KCNAB1: variants seen among roughly 807,000 people sequenced by gnomAD.
KCNAB1 encodes the protein voltage-gated potassium channel subunit beta-1.
KCNAB1 carries 35 observed loss-of-function variants against 64.6 expected under a neutral mutation model. The ratio of observed to expected loss-of-function variants is 0.54; its 90% confidence interval spans 0.41 to 0.72. KCNAB1 has a LOEUF of 0.72. Among genes scored for constraint, KCNAB1 ranks in the 30% least tolerant of loss-of-function variants. The probability of loss-of-function intolerance (pLI) is 0.00; values close to 1 mark genes in which losing one functional copy is unlikely to be tolerated. For synonymous variants in KCNAB1, 177 were observed against 183.8 expected (o/e 0.96, Z 0.30); for missense variants, 401 against 512.9 (o/e 0.78, Z 2.11).
intron 1 of KCNAB1, among the ~76,000 whole-genome samples, chr3:156,415,932 C>T (rs1207392856): frequency 7.2e-5 from 11 of 152,172 alleles, no homozygotes; most frequent in African/African-American, 1.4e-4. Flanking sequence ...GATCCAAAAC[C>T]GTTGTTCCCC....
chr3:156,250,463 C>T (rs984089534), intron 1 of KCNAB1, among the ~76,000 whole-genome samples: 5 of 152,170 alleles, frequency 3.3e-5, no homozygotes, highest in East Asian at 1.9e-4. Context: ...TCTCAGAACC[C>T]GTAGTTCTAG....
rs187857824 is a variant in KCNAB1, at chr3:156,188,371, A to G, written c.275+67485A>G. 1.1e-3 allele frequency among the ~76,000 whole-genome samples: 163 copies of G among 152,252 alleles called. 1 individual carries two copies. The highest frequency in any genetic ancestry group is 4.6e-3 in the South Asian group (22 of 4,828). On this transcript the variant is annotated intron_variant, in intron 1 of 13. Transcript: ENST00000490337. ...GTATATTTACCATAAATATTTACAT[A>G]TATTTAGAAACCAGTATTATACTAT...
chr3:156,198,708 T>C (rs1714122174), intron 1 of KCNAB1, among the ~76,000 whole-genome samples: 1 of 137,178 alleles, frequency 7.3e-6, no homozygotes, highest in Non-Finnish European at 1.6e-5. Flanking sequence ...GCACATGAGA[T>C]GGGTCTCCTG....
rs1716973004 is a variant in KCNAB1 at position 156,508,614 on chromosome 3, C to A, written c.659-5750C>A. On this transcript the variant is annotated intron_variant, in intron 8 of 13. Transcript: ENST00000490337. This position sits in a 1 kb window ranked among gnomAD's most constrained non-coding sequence, Gnocchi z 4.1. ...GAATCTGGGCCTATTTGAGAAGAAACCTGGGCCATTTTCAGTTTGTGTTAC... is the reference window on the plus strand; with the variant it reads ...GAATCTGGGCCTATTTGAGAAGAAAACTGGGCCATTTTCAGTTTGTGTTAC... Among the ~76,000 whole-genome samples, 1 of 152,178 alleles carries A rather than the reference C, an allele frequency of 6.6e-6. No individual in the cohort carries two copies. Among genetic ancestry groups the A allele is most frequent in the South Asian group, 2.1e-4 (1 of 4,828 alleles).
intron 1 of KCNAB1, among the ~76,000 whole-genome samples, chr3:156,311,959 T>C (rs1458397491): frequency 6.6e-6 from 1 of 152,208 alleles, no homozygotes; most frequent in Non-Finnish European, 1.5e-5. Flanking sequence ...TGCATGTCCC[T>C]ACCTGGGCAG....
At chr3:156,221,781 C>T (rs899930213) in intron 1 of KCNAB1, among the ~76,000 whole-genome samples, 10 of 147,652 alleles carry the variant, frequency 6.8e-5, no homozygotes, top group Non-Finnish European at 1.3e-4. Flanking sequence ...TCCATCCCCC[C>T]CCGCCAAAAA....
At chr3:156,292,473 G>T (rs1052921799) in intron 1 of KCNAB1, among the ~76,000 whole-genome samples, 3 of 152,178 alleles carry the variant, frequency 2.0e-5, no homozygotes, top group Non-Finnish European at 4.4e-5. Flanking sequence ...TTATGATAAA[G>T]ACAGTAGTTT....
intron 1 of KCNAB1, among the ~76,000 whole-genome samples, chr3:156,232,648 T>G (rs545776576): frequency 6.6e-6 from 1 of 152,232 alleles, no homozygotes; most frequent in African/African-American, 2.4e-5. Context: ...AAGGCAGAAA[T>G]GCAAAGGTGG....
chr3:156,342,062 T>C (rs978468807), intron 1 of KCNAB1, among the ~76,000 whole-genome samples: 4 of 152,206 alleles, frequency 2.6e-5, no homozygotes, highest in African/African-American at 9.6e-5. Flanking sequence ...CCAGGTGAGC[T>C]TGTGCTACCT....
intron 1 of KCNAB1, among the ~76,000 whole-genome samples, chr3:156,367,171 CTTTTT>C (rs9331286): frequency 8.4e-6 from 1 of 118,416 alleles, no homozygotes. Context: ...AGTAATCTAC[CTTTTT>C]TTTTTTTTTT....
chr3:156,398,363 C>T (rs1338924295), intron 1 of KCNAB1, among the ~76,000 whole-genome samples: 1 of 152,074 alleles, frequency 6.6e-6, no homozygotes, highest in Non-Finnish European at 1.5e-5. Context: ...GAGGCCGAGG[C>T]GGGTGGATCA....
chr3:156,403,892 T>TAAAAAAAAAAAAAAAAAAAA (rs200824639), intron 1 of KCNAB1, among the ~76,000 whole-genome samples: 11 of 136,828 alleles, frequency 8.0e-5, no homozygotes, highest in South Asian at 2.4e-4. Flanking sequence ...AGACTCTGCC[T>TAAAAAAAAAAAAAAAAAAAA]AAAAAAAAAA....
At chr3:156,128,323 C>G (rs1342239592) in intron 1 of KCNAB1, among the ~76,000 whole-genome samples, 5 of 152,122 alleles carry the variant, frequency 3.3e-5, no homozygotes, top group Non-Finnish European at 7.4e-5. Flanking sequence ...TTTATAGAGA[C>G]AGTGCAACTG....
intron 1 of KCNAB1, among the ~76,000 whole-genome samples, chr3:156,238,551 G>A (rs1716989817): frequency 6.6e-6 from 1 of 151,898 alleles, no homozygotes; most frequent in Non-Finnish European, 1.5e-5. Flanking sequence ...GATCCAAAAT[G>A]AGAGTTTGAT....
intron 1 of KCNAB1, among the ~76,000 whole-genome samples, chr3:156,149,992 G>C (rs1715305784): frequency 6.6e-6 from 1 of 152,142 alleles, no homozygotes; most frequent in Non-Finnish European, 1.5e-5. Context: ...TCATGCAGGG[G>C]GTTGTATTAA....
At chr3:156,339,625 T>G (rs1023419717) in intron 1 of KCNAB1, among the ~76,000 whole-genome samples, 1 of 152,218 alleles carries the variant, frequency 6.6e-6, no homozygotes, top group Non-Finnish European at 1.5e-5. Context: ...TTTGTGATAA[T>G]AATACCTGTG....
rs578260398 is a variant in KCNAB1 at position 156,531,580 on chromosome 3, C to G, written c.1170+83C>G. ...TCCAGGCAGTGTCCCATCTCTCCCC[C>G]TCTCTGTCCTGGGTGGGGCAAGAGT... On this transcript the variant is annotated intron_variant, in intron 13 of 13. Transcript: ENST00000490337. 71 of 1,020,710 alleles carry G rather than the reference C, an allele frequency of 7.0e-5. 1 individual carries two copies. The Admixed American group carries it at 8.6e-4, about 12-fold the overall frequency. The allele number at this position is 1,020,710 out of a possible 1,614,324, so 63.2% of individuals were successfully genotyped here.
At chr3:156,497,717 T>G (rs182732638) in intron 8 of KCNAB1, among the ~76,000 whole-genome samples, 17 of 152,310 alleles carry the variant, frequency 1.1e-4, no homozygotes, top group Admixed American at 9.2e-4. Context: ...TATAGAAATA[T>G]TAGATGCCAT....
chr3:156,429,764 T>C (rs1482196693), intron 2 of KCNAB1, among the ~76,000 whole-genome samples: 1 of 152,176 alleles, frequency 6.6e-6, no homozygotes, highest in African/African-American at 2.4e-5. Context: ...TAATAAATAT[T>C]ATGAAGTGCC....
Sources: gnomAD v4.1 joint callset for allele counts (sites outside exome capture counted in the v4.1 genomes callset) on GRCh38, gnomAD v4.1.1 for gene constraint, Gnocchi (gnomAD v3.1) non-coding constraint, MANE v1.5 for transcripts, NCBI Gene and HGNC (gene_info 2026-07-23, HGNC 2026-07-21) for gene names.